The following CRBN variants were observed in gnomAD, a reference collection of about 807,000 sequenced individuals.
The protein encoded by CRBN is protein cereblon.
A neutral mutation model predicts 62.2 loss-of-function variants in CRBN; 53 were observed. That is an observed-to-expected ratio of 0.85 (90% CI 0.68 to 1.07). CRBN has a LOEUF of 1.07. CRBN is among the 50% of genes least tolerant of loss of function. The probability of loss-of-function intolerance (pLI) is 0.00; values close to 1 mark genes in which losing one functional copy is unlikely to be tolerated. For synonymous variants in CRBN, 208 were observed against 176.1 expected, an observed-to-expected ratio of 1.18 and a Z score of -1.43; for missense variants, 616 against 531.1, an observed-to-expected ratio of 1.16 and a Z score of -1.57.
intron 5 of CRBN, among the ~76,000 whole-genome samples, chr3:3,166,386 T>C (rs1380398974): frequency 6.6e-6 from 1 of 152,186 alleles, no homozygotes; most frequent in Non-Finnish European, 1.5e-5. Flanking sequence ...CCCAGCCATG[T>C]GGAACTTTAA....
intron 9 of CRBN, chr3:3,152,944 G>GTTGA (rs1575079962): frequency 6.4e-6 from 2 of 313,452 alleles, no homozygotes; most frequent in East Asian, 1.5e-4. Flanking sequence ...TTTTGGGGCA[G>GTTGA]TTGATTATTT....
rs75027341 is a variant in CRBN, at chr3:3,178,027, A to C, written c.67+1594T>G. Among the ~76,000 whole-genome samples the C allele has an allele frequency of 2.5e-3, 385 of 151,920 alleles. 3 individuals are homozygous for C. The highest frequency in any genetic ancestry group is 7.5e-3 in the African/African-American group (311 of 41,490). On this transcript the variant is annotated intron_variant, in intron 1 of 10. Transcript: ENST00000231948. ...ACAAAACAAAACAAACAAAAAAAAAACAAACAAAAAACCACGCTGACTGTT... is the reference window on the plus strand; with the variant it reads ...ACAAAACAAAACAAACAAAAAAAAACCAAACAAAAAACCACGCTGACTGTT...
intron 9 of CRBN, chr3:3,153,143 G>T: frequency 2.5e-6 from 1 of 394,460 alleles, no homozygotes; most frequent in East Asian, 5.5e-5. Context: ...ATTGAAGACA[G>T]TCTAATATAT....
chr3:3,151,827 G>GCAAACAAACAAA lies in CRBN; in HGVS notation c.1148+617_1148+628dup, dbSNP rs10659250. The stretch of plus-strand genomic sequence containing the variant: ...GATCATAGAGAATCATTAAGCTGAA[G>GCAAACAAACAAA]CAAACAAACAAAAGGCAAACTAGAA... On this transcript the variant is annotated intron_variant, in intron 10 of 10. Transcript: ENST00000231948. Among the ~76,000 whole-genome samples, 406 of 147,694 alleles carry GCAAACAAACAAA rather than the reference G, an allele frequency of 2.7e-3. 2 individuals carry two copies. The highest frequency in any genetic ancestry group is 9.0e-3 in the African/African-American group (357 of 39,570).
Position 3,155,892 on chromosome 3 carries a change from G to C in CRBN, c.750+327C>G, listed in dbSNP as rs137996608. On this transcript the variant is annotated intron_variant, in intron 6 of 10. Transcript: ENST00000231948. ...CACAATCTCAGCTCACGGCAGCCTTGACCTCCCAGGCTCAATCAATCCTTC... is the reference window on the plus strand; with the variant it reads ...CACAATCTCAGCTCACGGCAGCCTTCACCTCCCAGGCTCAATCAATCCTTC... The C allele has an allele frequency of 2.9e-3, 810 of 280,460 alleles. 2 individuals carry two copies. The highest frequency in any genetic ancestry group is 4.5e-3 in the Non-Finnish European group (663 of 147,162). The allele number at this position is 280,460 out of a possible 1,614,324, so 17.4% of individuals were successfully genotyped here.
intron 1 of CRBN, 124 bp from the exon 2 acceptor site, chr3:3,175,393 G>A (rs1286574977): frequency 1.4e-5 from 10 of 720,160 alleles, no homozygotes; most frequent in African/African-American, 3.6e-5. Flanking sequence ...CTACAGCACC[G>A]TGAAGAGGGA....
rs1163742588 is a variant in CRBN at position 3,168,156 on chromosome 3, C to A, written c.528-363G>T. Among the ~76,000 whole-genome samples, 274 of 151,690 alleles carry A rather than the reference C, an allele frequency of 1.8e-3. 2 individuals carry two copies. The highest frequency in any genetic ancestry group is 6.3e-3 in the African/African-American group (258 of 41,062). ...TCTACTTTCTTAAACATTCTTAAGA[C>A]ACCCAAATTCTTCTATCCCCCCACT... On this transcript the variant is annotated intron_variant, in intron 4 of 10. Transcript: ENST00000231948.
chr3:3,150,781 G>A lies in CRBN; in HGVS notation c.*84C>T, dbSNP rs1559237854. The A allele has an allele frequency of 7.8e-7, 1 of 1,287,222 alleles. No homozygotes were observed. Among genetic ancestry groups the A allele is most frequent in the East Asian group, 2.5e-5 (1 of 40,420 alleles). 79.7% of individuals were successfully genotyped at this position (1,287,222 alleles called of 1,614,324 possible). On this transcript the variant is annotated 3_prime_UTR_variant, in exon 11 of 11. Transcript: ENST00000231948. ...TAGGTATTAATGTTATGTTTACTTA[G>A]GTATGTATCAGAGGCAATAATTTCC...
chr3:3,151,492 G>A (rs711625), intron 10 of CRBN, among the ~76,000 whole-genome samples: 139,131 of 152,164 alleles, frequency 0.91, 64,894 homozygotes, highest in East Asian at 1. Context: ...GTCTCAAAAA[G>A]TAAATATTTA....
chr3:3,151,015 G>A lies in CRBN; in HGVS notation c.1179C>T (p.Ile393=). 6.2e-7 allele frequency: 1 copy of A among 1,613,832 alleles called. No individual in the cohort carries two copies. The highest frequency in any genetic ancestry group is 8.5e-7 in the Non-Finnish European group (1 of 1,179,918). Residue 393 remains isoleucine, a synonymous_variant, in exon 11 of 11, where the codon ATC becomes ATT. Coordinates refer to ENST00000231948, the MANE Select transcript of CRBN (RefSeq NM_016302.4). ...ACTTCCATCCAATATGGCTTGCACA[G>A]ATCTTACACTGGGCAACAGTCCAGG... ...GYAWTVAQCK[I]CASHIGWKFT... is the part of the protein sequence containing the mutation.
intron 5 of CRBN, among the ~76,000 whole-genome samples, chr3:3,158,289 T>A (rs1331319352): frequency 6.6e-6 from 1 of 152,188 alleles, no homozygotes; most frequent in African/African-American, 2.4e-5. Flanking sequence ...GAGGTGGCGC[T>A]CAGCTTCACT....
intron 4 of CRBN, 49 bp downstream of exon 4, chr3:3,172,727 T>C (rs1707671532): frequency 6.4e-7 from 1 of 1,572,046 alleles, no homozygotes. Context: ...AAGAAAACTA[T>C]TTCATTAGGA....
chr3:3,164,766 TG>T (rs1707263868), intron 5 of CRBN, among the ~76,000 whole-genome samples: 1 of 152,240 alleles, frequency 6.6e-6, no homozygotes, highest in Non-Finnish European at 1.5e-5. Context: ...GCTGTTTTCA[TG>T]CTTGGTAACA....
chr3:3,154,704 G>T (rs201428486), intron 7 of CRBN, 43 bp downstream of exon 7: 9 of 1,065,028 alleles, frequency 8.5e-6, no homozygotes, highest in Middle Eastern at 2.0e-4. Context: ...ATTTTTTATA[G>T]CAAGACATCC....
Position 3,150,654 on chromosome 3 carries a change from A to G in CRBN, c.*211T>C, listed in dbSNP as rs1350630123. On this transcript the variant is annotated 3_prime_UTR_variant, in exon 11 of 11. Transcript: ENST00000231948. The stretch of plus-strand genomic sequence containing the variant: ...AGCTACCCAAGTAGATGTTTCTGGT[A>G]TTCTAGACTGCCGTTCATGCTTGTT... The G allele has an allele frequency of 4.0e-6, 2 of 502,068 alleles. No individual in the cohort carries two copies. The highest frequency in any genetic ancestry group is 7.2e-6 in the Non-Finnish European group (2 of 277,674). 31.1% of individuals were successfully genotyped at this position (502,068 alleles called of 1,614,324 possible). A position where few individuals can be genotyped will look rare whatever the true frequency, so the allele number is the denominator to read the frequency against.
At chr3:3,153,401 TA>T in intron 9 of CRBN, 22 bp downstream of exon 9, 1 of 1,310,126 alleles carries the variant, frequency 7.6e-7, no homozygotes, top group African/African-American at 1.4e-5. Context: ...GCAAGTATAT[TA>T]AAAACGTAAT....
At chr3:3,150,000 CA>C (rs1410328961), downstream of CRBN, 1 of 152,086 alleles carries the variant, frequency 6.6e-6, no homozygotes, top group Non-Finnish European at 1.5e-5. Flanking sequence ...ATTATTTGAA[CA>C]AAGAACATGT....
intron 3 of CRBN, among the ~76,000 whole-genome samples, chr3:3,173,324 C>T (rs906994237): frequency 6.6e-6 from 1 of 152,154 alleles, no homozygotes; most frequent in African/African-American, 2.4e-5. Context: ...TCCCAAAGTG[C>T]TGGGAGTATA....
intron 6 of CRBN, 151 bp downstream of exon 6, chr3:3,156,068 T>C: frequency 1.4e-6 from 1 of 693,548 alleles, no homozygotes; most frequent in Middle Eastern, 4.1e-4. Flanking sequence ...CCTCCCAAAG[T>C]GCTGGGATTA....
Sources: allele counts gnomAD v4.1 joint callset (sites outside exome capture counted in the v4.1 genomes callset), GRCh38; gene constraint gnomAD v4.1.1; transcripts MANE v1.5; gene names NCBI Gene and HGNC (gene_info 2026-07-23, HGNC 2026-07-21).